MRPS28: variants seen among roughly 807,000 people sequenced by gnomAD.
MRPS28 encodes the protein small ribosomal subunit protein bS1m.
Under a neutral mutation model 10.8 loss-of-function variants are expected in MRPS28, and 7 were observed. The ratio of observed to expected loss-of-function variants is 0.65; its 90% confidence interval spans 0.37 to 1.22. MRPS28 has a LOEUF of 1.22. MRPS28 is among the 50% of genes most tolerant of loss of function. The pLI is 0.02. For synonymous variants in MRPS28, 121 were observed against 93.3 expected (o/e 1.30, Z -1.71); for missense variants, 265 against 232.9 (o/e 1.14, Z -0.90).
At chr8:79,960,081 G>T (rs1026068508) in intron 2 of MRPS28, among the ~76,000 whole-genome samples, 3 of 152,096 alleles carry the variant, frequency 2.0e-5, no homozygotes, top group African/African-American at 7.2e-5. Context: ...TGGGGTTTAG[G>T]CTGGCCTTTC....
intron 2 of MRPS28, among the ~76,000 whole-genome samples, chr8:79,928,898 T>G (rs1806382429): frequency 6.6e-6 from 1 of 151,944 alleles, no homozygotes; most frequent in Admixed American, 6.5e-5. Context: ...ATACAAAAAT[T>G]AGCTGGGCGT....
intron 1 of MRPS28, among the ~76,000 whole-genome samples, chr8:80,016,628 C>A (rs958906728): frequency 6.6e-6 from 1 of 152,000 alleles, no homozygotes; most frequent in African/African-American, 2.4e-5. Flanking sequence ...AGGCAGAACA[C>A]AGAGAAGGAA....
chr8:79,974,923 AT>A (rs1016558147), intron 2 of MRPS28, among the ~76,000 whole-genome samples: 1 of 152,202 alleles, frequency 6.6e-6, no homozygotes, highest in East Asian at 1.9e-4. Flanking sequence ...CAAATATTAC[AT>A]TTTTTATTAT....
At position 80,000,433 on chromosome 8, in the gene MRPS28, A is replaced by G. The variant is rs114972124; in HGVS notation, c.395+2566T>C. ...GACTCTAATATAGTGACTGCTCCAA[A>G]GACTAGAGAATTTACTTGCAAAATT... On this transcript the variant is annotated intron_variant, in intron 2 of 2. Coordinates refer to ENST00000276585, the MANE Select transcript of MRPS28 (RefSeq NM_014018.3). Among the ~76,000 whole-genome samples the G allele has an allele frequency of 7.4e-3, 1,129 of 152,304 alleles. 13 individuals are homozygous for G. Among genetic ancestry groups the G allele is most frequent in the African/African-American group, 0.024 (1,006 of 41,574 alleles).
At chr8:80,013,077 T>G (rs1353826936) in intron 1 of MRPS28, among the ~76,000 whole-genome samples, 1 of 151,744 alleles carries the variant, frequency 6.6e-6, no homozygotes, top group Non-Finnish European at 1.5e-5. Context: ...AAGAAAACAG[T>G]ACAGAAGAAT....
intron 1 of MRPS28, among the ~76,000 whole-genome samples, chr8:80,006,236 T>C (rs1478535059): frequency 1.3e-5 from 2 of 152,338 alleles, no homozygotes; most frequent in African/African-American, 2.4e-5. Context: ...TAGTTGGAAG[T>C]AAAGCACTCC....
chr8:80,005,594 A>G (rs548021769), intron 1 of MRPS28, among the ~76,000 whole-genome samples: 1 of 152,346 alleles, frequency 6.6e-6, no homozygotes, highest in South Asian at 2.1e-4. Context: ...CAAAACAACC[A>G]GCTAACATCA....
intron 2 of MRPS28, among the ~76,000 whole-genome samples, chr8:79,924,202 C>G (rs1451331940): frequency 2.0e-5 from 3 of 152,162 alleles, no homozygotes; most frequent in Non-Finnish European, 4.4e-5. Context: ...CATTAACCAT[C>G]TATGTTTTCA....
chr8:79,952,734 T>C (rs1807109151), intron 2 of MRPS28, among the ~76,000 whole-genome samples: 1 of 152,200 alleles, frequency 6.6e-6, no homozygotes, highest in Non-Finnish European at 1.5e-5. Flanking sequence ...CTGTTTAATA[T>C]GCTGACTGGG....
chr8:79,922,121 T>C (rs1810110327), intron 2 of MRPS28, among the ~76,000 whole-genome samples: 1 of 152,202 alleles, frequency 6.6e-6, no homozygotes, highest in Non-Finnish European at 1.5e-5. Context: ...AGTAAAATTT[T>C]ACGAAAGCAA....
intron 1 of MRPS28, among the ~76,000 whole-genome samples, chr8:80,005,541 T>C (rs1049677630): frequency 4.6e-5 from 7 of 152,158 alleles, no homozygotes; most frequent in Admixed American, 1.3e-4. Flanking sequence ...CATGCCAAAC[T>C]GTGGACCATC....
chr8:79,952,970 T>A (rs1298523415), intron 2 of MRPS28, among the ~76,000 whole-genome samples: 1 of 152,142 alleles, frequency 6.6e-6, no homozygotes, highest in Non-Finnish European at 1.5e-5. Flanking sequence ...AGAGATAACT[T>A]TCAGTAGTGA....
intron 2 of MRPS28, among the ~76,000 whole-genome samples, chr8:79,924,743 G>A (rs1022613731): frequency 6.6e-6 from 1 of 152,076 alleles, no homozygotes; most frequent in Admixed American, 6.6e-5. Flanking sequence ...CAGACTACTT[G>A]GTTTATTTCA....
chr8:79,976,919 C>CT (rs752851182), intron 2 of MRPS28, among the ~76,000 whole-genome samples: 4 of 152,160 alleles, frequency 2.6e-5, no homozygotes, highest in Non-Finnish European at 4.4e-5. Flanking sequence ...ACTTGCTCCA[C>CT]TTAATCTTTC....
At chr8:80,004,576 T>C (rs1217395967) in intron 1 of MRPS28, among the ~76,000 whole-genome samples, 4 of 151,922 alleles carry the variant, frequency 2.6e-5, no homozygotes, top group African/African-American at 7.3e-5. Context: ...AAAATCAGAG[T>C]GCCTCTCCCC....
intron 2 of MRPS28, among the ~76,000 whole-genome samples, chr8:79,972,188 TTTATC>T (rs1347694253): frequency 3.9e-5 from 6 of 152,166 alleles, no homozygotes; most frequent in Non-Finnish European, 5.9e-5. Flanking sequence ...CTGCATAGAA[TTTATC>T]TTATATTAGG....
chr8:79,919,237 A>G (rs533344836), intron 2 of MRPS28, 89 bp from the exon 3 acceptor site: 366 of 1,029,780 alleles, frequency 3.6e-4, no homozygotes, highest in Non-Finnish European at 4.3e-4. Flanking sequence ...TTCCAATTTT[A>G]ATTTGTGTTA....
At chr8:79,997,423 G>A (rs1563537783) in intron 2 of MRPS28, among the ~76,000 whole-genome samples, 1 of 152,144 alleles carries the variant, frequency 6.6e-6, no homozygotes, top group African/African-American at 2.4e-5. Flanking sequence ...TACCCACACT[G>A]CAAGGTCTGT....
At chr8:79,932,727 T>C (rs1239651306) in intron 2 of MRPS28, among the ~76,000 whole-genome samples, 1 of 152,148 alleles carries the variant, frequency 6.6e-6, no homozygotes, top group African/African-American at 2.4e-5. Flanking sequence ...TCAGGAAACT[T>C]ATCTGTGGAC....
Sources: allele counts gnomAD v4.1 joint callset (sites outside exome capture counted in the v4.1 genomes callset), GRCh38; gene constraint gnomAD v4.1.1; transcripts MANE v1.5; gene names NCBI Gene and HGNC (gene_info 2026-07-23, HGNC 2026-07-21).